CPNE4: variants seen among roughly 807,000 people sequenced by gnomAD.
CPNE4 encodes the protein copine-4.
In CPNE4, 25 loss-of-function variants were observed where a neutral mutation model predicts 67.9. The observed-to-expected ratio is 0.37, with a 90% CI of 0.27 to 0.51. The LOEUF is 0.51. Ranked by LOEUF, CPNE4 falls within the 20% of genes least tolerant of loss-of-function variation. The pLI, the probability that CPNE4 is intolerant of heterozygous loss-of-function variation, is 0.93. For missense variants in CPNE4, 464 were observed against 690.8 expected (o/e 0.67, Z 3.68); for synonymous variants, 242 against 244.9 (o/e 0.99, Z 0.11).
At chr3:131,782,246 A>C (rs1482593695) in intron 2 of CPNE4, among the ~76,000 whole-genome samples, 1 of 152,116 alleles carries the variant, frequency 6.6e-6, no homozygotes, top group African/African-American at 2.4e-5. Flanking sequence ...AATTCAAAAT[A>C]AAAATATAAT....
intron 1 of CPNE4, among the ~76,000 whole-genome samples, chr3:131,947,614 A>G (rs2071590724): frequency 6.6e-6 from 1 of 152,106 alleles, no homozygotes; most frequent in Non-Finnish European, 1.5e-5. Flanking sequence ...TATGTGCCAC[A>G]TTTTATTTAT....
chr3:131,609,962 A>G (rs1053407507), intron 7 of CPNE4, among the ~76,000 whole-genome samples: 1 of 152,152 alleles, frequency 6.6e-6, no homozygotes, highest in Non-Finnish European at 1.5e-5. Context: ...TTTTACAGCC[A>G]AGATTTTCAT....
At chr3:131,768,713 GT>G (rs1235065855) in intron 2 of CPNE4, among the ~76,000 whole-genome samples, 2 of 152,062 alleles carry the variant, frequency 1.3e-5, no homozygotes, top group African/African-American at 4.8e-5. Context: ...ATTTTGCCTT[GT>G]TTTTTTATCC....
intron 11 of CPNE4, among the ~76,000 whole-genome samples, chr3:131,559,377 A>G (rs1230814270): frequency 1.3e-5 from 2 of 151,954 alleles, no homozygotes; most frequent in Non-Finnish European, 2.9e-5. Context: ...TGACTCTCCC[A>G]TTCTAGTAAT....
At chr3:131,926,838 G>A (rs2070908853) in intron 1 of CPNE4, among the ~76,000 whole-genome samples, 1 of 152,124 alleles carries the variant, frequency 6.6e-6, no homozygotes, top group East Asian at 1.9e-4. Flanking sequence ...CTTGAAGGAT[G>A]GGTTGTAGTT....
intron 1 of CPNE4, among the ~76,000 whole-genome samples, chr3:131,980,430 A>G (rs1479625660): frequency 1.3e-5 from 2 of 152,016 alleles, no homozygotes; most frequent in Admixed American, 1.3e-4. Context: ...GATTGGGTTA[A>G]TTTGAAGACC....
chr3:132,035,286 T>C (rs2074321132), upstream of CPNE4: 1 of 153,820 alleles, frequency 6.5e-6, no homozygotes, highest in South Asian at 2.1e-4. Flanking sequence ...AGCGGTCGTA[T>C]CGCGGCGCGG....
chr3:131,639,223 G>C (rs1191238450), intron 7 of CPNE4, among the ~76,000 whole-genome samples: 1 of 151,926 alleles, frequency 6.6e-6, no homozygotes, highest in African/African-American at 2.4e-5. Context: ...GAAACAAAAA[G>C]TTGGTTCTTT....
intron 2 of CPNE4, among the ~76,000 whole-genome samples, chr3:131,765,772 T>C (rs1361240076): frequency 6.6e-6 from 1 of 152,046 alleles, no homozygotes; most frequent in East Asian, 1.9e-4. Flanking sequence ...GAGGCAAATC[T>C]AGAACCCTGT....
chr3:131,980,885 T>C (rs1423756774), intron 1 of CPNE4, among the ~76,000 whole-genome samples: 1 of 152,120 alleles, frequency 6.6e-6, no homozygotes, highest in Non-Finnish European at 1.5e-5. Context: ...CACATGATGT[T>C]CCCTTGTTGT....
chr3:131,655,958 A>AG (rs2079947646), intron 7 of CPNE4, among the ~76,000 whole-genome samples: 1 of 151,856 alleles, frequency 6.6e-6, no homozygotes, highest in Non-Finnish European at 1.5e-5. Context: ...AAAATCCACA[A>AG]GGCTACTTTC....
chr3:131,709,543 G>A (rs1306627004), intron 3 of CPNE4, among the ~76,000 whole-genome samples: 4 of 152,206 alleles, frequency 2.6e-5, no homozygotes, highest in African/African-American at 9.6e-5. Flanking sequence ...TGTTAAAAGT[G>A]CTGGCAAAGA....
rs67407668 is a variant in CPNE4, at chr3:131,848,956, C to CAAAAAAAAAAAAAAAAAAA, written c.180+56289_180+56307dup. ...ACTGGTGGAATGACAGTAGTGATTACAAAAAAAAAAAAAAAAAAAAAAAAA... is the reference window on the plus strand; with the variant it reads ...ACTGGTGGAATGACAGTAGTGATTACAAAAAAAAAAAAAAAAAAAAAAAAAAAAAAAAAAAAAAAAAAAA... On this transcript the variant is annotated intron_variant, in intron 2 of 15. Coordinates refer to ENST00000429747, the MANE Select transcript of CPNE4 (RefSeq NM_130808.3). Among the ~76,000 whole-genome samples, 6 of 79,636 alleles carry CAAAAAAAAAAAAAAAAAAA rather than the reference C, an allele frequency of 7.5e-5. 1 individual carries two copies. Among genetic ancestry groups the CAAAAAAAAAAAAAAAAAAA allele is most frequent in the African/African-American group, 4.1e-4 (6 of 14,502 alleles). The allele number at this position is 79,636 out of a possible 152,430, so 52.2% of individuals were successfully genotyped here.
At chr3:131,971,651 A>G (rs761734510) in intron 1 of CPNE4, among the ~76,000 whole-genome samples, 9 of 152,092 alleles carry the variant, frequency 5.9e-5, no homozygotes, top group Non-Finnish European at 1.3e-4. Context: ...CCTTTGCTAT[A>G]TTCCCTGGAA....
chr3:131,701,079 C>T (rs1302187551), intron 3 of CPNE4, among the ~76,000 whole-genome samples: 1 of 116,556 alleles, frequency 8.6e-6, no homozygotes, highest in Non-Finnish European at 1.6e-5. Context: ...GAACATCACA[C>T]ACTGGGGCCT....
At chr3:131,829,594 C>G (rs1196953869) in intron 2 of CPNE4, among the ~76,000 whole-genome samples, 1 of 152,170 alleles carries the variant, frequency 6.6e-6, no homozygotes, top group African/African-American at 2.4e-5. Flanking sequence ...AATTTAGTTA[C>G]TATCTTTTAT....
chr3:131,658,500 C>T (rs1373636762), intron 7 of CPNE4, among the ~76,000 whole-genome samples: 1 of 152,222 alleles, frequency 6.6e-6, no homozygotes, highest in Non-Finnish European at 1.5e-5. Context: ...TTCACACACT[C>T]TCAGAGAGAA....
Position 131,542,642 on chromosome 3 carries a change from C to T in CPNE4, c.1454G>A (p.Gly485Asp), listed in dbSNP as rs140413785. 6.2e-7 allele frequency: 1 copy of T among 1,614,124 alleles called. No individual in the cohort carries two copies. The highest frequency in any genetic ancestry group is 1.1e-5 in the South Asian group (1 of 91,084). ...ADFSDMQMLD[G>D]DDGILRSPKG... ...GGGTGACCTCAGAATCCCATCATCA[C>T]CGTCCAGCATCTGCATGTCACTGAA... The change falls in exon 15 of 16, where the codon GGT becomes GAT. Residue 485 changes from glycine (G) to aspartate (D), a missense_variant. Coordinates refer to ENST00000429747, the MANE Select transcript of CPNE4 (RefSeq NM_130808.3).
chr3:131,561,496 G>A (rs2107660413), intron 11 of CPNE4, among the ~76,000 whole-genome samples: 1 of 152,142 alleles, frequency 6.6e-6, no homozygotes, highest in South Asian at 2.1e-4. Flanking sequence ...TTGAGGACAA[G>A]CTGTCTGTGG....
Sources: gnomAD v4.1 joint callset for allele counts (sites outside exome capture counted in the v4.1 genomes callset) on GRCh38, gnomAD v4.1.1 for gene constraint, MANE v1.5 for transcripts, NCBI Gene and HGNC (gene_info 2026-07-23, HGNC 2026-07-21) for gene names.